Variants in FBXO34 observed in about 807,000 individuals in gnomAD.
The protein encoded by FBXO34 is F-box only protein 34.
In FBXO34, 12 loss-of-function variants were observed where a neutral mutation model predicts 24.5. The ratio of observed to expected loss-of-function variants is 0.49; its 90% CI spans 0.31 to 0.79. The LOEUF is 0.79. Among genes scored for constraint, FBXO34 ranks in the 30% least tolerant of loss-of-function variants. The pLI, the probability that FBXO34 is intolerant of heterozygous loss-of-function variation, is 0.04. For missense variants in FBXO34, 823 were observed against 857.7 expected (o/e 0.96, Z 0.51); for synonymous variants, 320 against 311.9 (o/e 1.03, Z -0.27).
At chr14:55,318,829 C>G (rs1372632991) in intron 1 of FBXO34, among the ~76,000 whole-genome samples, 2 of 152,104 alleles carry the variant, frequency 1.3e-5, no homozygotes, top group African/African-American at 4.8e-5. Flanking sequence ...GATCTGGTGA[C>G]CTGGTCATCT....
At chr14:55,272,434 C>T (rs566618287) in intron 1 of FBXO34, 3 of 151,138 alleles carry the variant, frequency 2.0e-5, no homozygotes, top group Admixed American at 1.3e-4. Context: ...TGTAAAAAGC[C>T]TTTTAGGAAG....
At chr14:55,402,628 A>ATT in the FBXO34 span, among the ~76,000 whole-genome samples, 1 of 151,850 alleles carries the variant, frequency 6.6e-6, no homozygotes, top group African/African-American at 2.4e-5. Context: ...CAAGAGTATG[A>ATT]TTTTCATAGG....
chr14:55,365,806 G>C (rs1287163052), downstream of FBXO34, among the ~76,000 whole-genome samples: 2 of 152,114 alleles, frequency 1.3e-5, no homozygotes, highest in African/African-American at 4.8e-5. Context: ...CATGGCAATA[G>C]CTCCTGAGGG....
chr14:55,340,409 T>C (rs1883953759), intron 1 of FBXO34, among the ~76,000 whole-genome samples: 1 of 151,990 alleles, frequency 6.6e-6, no homozygotes, highest in East Asian at 1.9e-4. Flanking sequence ...GGCTTTTTTT[T>C]TTTTTTTGAA....
At chr14:55,359,522 A>G (rs1884565476) in intron 3 of FBXO34, among the ~76,000 whole-genome samples, 1 of 152,226 alleles carries the variant, frequency 6.6e-6, no homozygotes, top group South Asian at 2.1e-4. Flanking sequence ...ACATGCTAAC[A>G]ATCAGCTGTG....
chr14:55,273,488 T>TG (rs2139616073), intron 1 of FBXO34, among the ~76,000 whole-genome samples: 1 of 152,342 alleles, frequency 6.6e-6, no homozygotes, highest in East Asian at 1.9e-4. Context: ...AATTTTATGC[T>TG]GACAGTGTTG....
chr14:55,331,703 A>G lies in FBXO34; in HGVS notation c.-10-18678A>G, dbSNP rs370996564. 9.3e-3 allele frequency among the ~76,000 whole-genome samples: 588 copies of G among 63,160 alleles called. 89 individuals are homozygous for G. The highest frequency in any genetic ancestry group is 0.036 in the African/African-American group (219 of 6,086). 41.4% of individuals were successfully genotyped at this position (63,160 alleles called of 152,430 possible). On this transcript the variant is annotated intron_variant, in intron 1 of 1. Coordinates refer to ENST00000313833, the MANE Select transcript of FBXO34 (RefSeq NM_017943.4). ...TATATATGTGTATATATATATATAT[A>G]TGTATATATATATGTATATATATAT...
the FBXO34 span, among the ~76,000 whole-genome samples, chr14:55,376,353 G>A: frequency 6.6e-6 from 1 of 152,240 alleles, no homozygotes; most frequent in Non-Finnish European, 1.5e-5. Context: ...AGAGGATGGT[G>A]AGTAAACTCA....
the FBXO34 span, chr14:55,397,423 T>C: frequency 6.2e-7 from 1 of 1,612,906 alleles, no homozygotes; most frequent in South Asian, 1.1e-5. Flanking sequence ...CCTTTCCTTC[T>C]TGTCGATAAA....
At chr14:55,366,340 G>A (rs1201238935), downstream of FBXO34, 4 of 152,522 alleles carry the variant, frequency 2.6e-5, no homozygotes, top group East Asian at 1.9e-4. Flanking sequence ...TGCTACCCTC[G>A]ATGCAGCAGT....
intron 1 of FBXO34, among the ~76,000 whole-genome samples, chr14:55,323,175 ACT>A (rs1446784161): frequency 1.4e-5 from 1 of 73,698 alleles, no homozygotes; most frequent in Non-Finnish European, 2.5e-5. Context: ...ACAGAGTGAG[ACT>A]CTGTCTCAAA....
chr14:55,426,005 C>T, the FBXO34 span, among the ~76,000 whole-genome samples: 1 of 152,164 alleles, frequency 6.6e-6, no homozygotes, highest in African/African-American at 2.4e-5. Context: ...CGGTGGCTCA[C>T]ACCTGTAATC....
At chr14:55,399,599 T>G in the FBXO34 span, among the ~76,000 whole-genome samples, 1 of 152,254 alleles carries the variant, frequency 6.6e-6, no homozygotes, top group Non-Finnish European at 1.5e-5. Flanking sequence ...CTGTGAATTC[T>G]TGGACCTATC....
chr14:55,290,346 C>T (rs1881902539), intron 1 of FBXO34, among the ~76,000 whole-genome samples: 1 of 151,220 alleles, frequency 6.6e-6, no homozygotes, highest in African/African-American at 2.4e-5. Flanking sequence ...GAGCCGAGAT[C>T]GAGCCATTGC....
At chr14:55,437,731 T>A in the FBXO34 span, among the ~76,000 whole-genome samples, 10 of 152,326 alleles carry the variant, frequency 6.6e-5, no homozygotes, top group East Asian at 1.7e-3. Flanking sequence ...TACTTTGAAA[T>A]AATTTTGAGT....
the FBXO34 span, among the ~76,000 whole-genome samples, chr14:55,434,350 G>A: frequency 6.6e-6 from 1 of 152,158 alleles, no homozygotes; most frequent in Admixed American, 6.5e-5. Flanking sequence ...ACTCGTGAGG[G>A]TAGGGAACCT....
At chr14:55,312,582 C>A (rs926767420) in intron 1 of FBXO34, among the ~76,000 whole-genome samples, 4 of 152,230 alleles carry the variant, frequency 2.6e-5, no homozygotes, top group Non-Finnish European at 5.9e-5. Flanking sequence ...GCCTGATCAT[C>A]CAGATGTTTC....
exon 4 of FBXO34, chr14:55,361,900 G>T (rs1165509134): frequency 2.0e-5 from 3 of 152,194 alleles, no homozygotes; most frequent in Admixed American, 6.5e-5. Context: ...GACCACTAAA[G>T]CTTTCTCCGT....
At chr14:55,442,040 G>A in the FBXO34 span, among the ~76,000 whole-genome samples, 1 of 151,812 alleles carries the variant, frequency 6.6e-6, no homozygotes, top group East Asian at 2.0e-4. Flanking sequence ...TGGAATGACA[G>A]GCACGAGCCA....
Sources: gnomAD v4.1 joint callset for allele counts (sites outside exome capture counted in the v4.1 genomes callset) on GRCh38, gnomAD v4.1.1 for gene constraint, MANE v1.5 for transcripts, NCBI Gene and HGNC (gene_info 2026-07-23, HGNC 2026-07-21) for gene names.